The following CASZ1 variants were observed in gnomAD, a reference collection of about 807,000 sequenced individuals.
CASZ1 encodes the protein zinc finger protein castor homolog 1.
Under a neutral mutation model 135.2 loss-of-function variants are expected in CASZ1, and 28 were observed. The observed-to-expected ratio is 0.21, with a 90% CI of 0.15 to 0.28. The LOEUF is 0.28. CASZ1 is among the 10% of genes least tolerant of loss of function. The pLI is 1.00. For synonymous variants in CASZ1, 1,068 were observed against 1,073.4 expected, an observed-to-expected ratio of 0.99 and a Z score of 0.10; for missense variants, 2,161 against 2,453.3, an observed-to-expected ratio of 0.88 and a Z score of 2.52.
At chr1:10,691,508 T>C (rs1415400467) in intron 4 of CASZ1, among the ~76,000 whole-genome samples, 1 of 152,254 alleles carries the variant, frequency 6.6e-6, no homozygotes, top group Non-Finnish European at 1.5e-5. Flanking sequence ...GGGTCCATGA[T>C]GCCAGCAGCC....
In CASZ1 at chr1:10,653,940, G is replaced by A. The variant is rs61736955; in HGVS notation, c.2117C>T (p.Pro706Leu). Reference sequence around the variant, plus strand: ...GTCCTTGGCGCCCAGCAGCGAGGGCGGCAGCCCCAGCGCGCCCGAGGAGCG... The same window carrying A: ...GTCCTTGGCGCCCAGCAGCGAGGGCAGCAGCCCCAGCGCGCCCGAGGAGCG... ...HIRSSGALGL[P>L]PSLLGAKDTE... is the part of the protein sequence containing the mutation. Residue 706 changes from proline (P) to leucine (L), a missense_variant, in exon 11 of 21, where the codon CCG becomes CTG. By Grantham distance (98) the Pro-to-Leu change is moderately conservative. Transcript: ENST00000377022. 1,751 of 1,613,586 alleles carry A rather than the reference G, an allele frequency of 1.1e-3. 10 individuals are homozygous for A. In the Middle Eastern group the frequency reaches 0.015, roughly 14 times the overall value.
chr1:10,743,292 G>C (rs1477109932), intron 2 of CASZ1, among the ~76,000 whole-genome samples: 2 of 152,070 alleles, frequency 1.3e-5, no homozygotes, highest in African/African-American at 4.8e-5. Context: ...GACATTCAAG[G>C]GTGAGTGATA....
chr1:10,792,319 T>TC (rs1553144420), intron 1 of CASZ1, among the ~76,000 whole-genome samples: 1 of 16,918 alleles, frequency 5.9e-5, no homozygotes, highest in Non-Finnish European at 8.9e-5. Context: ...GGCTTACCCC[T>TC]CCCCCCCGCC....
At chr1:10,784,233 C>T (rs1045052236) in intron 1 of CASZ1, among the ~76,000 whole-genome samples, 17 of 152,332 alleles carry the variant, frequency 1.1e-4, no homozygotes, top group African/African-American at 3.4e-4. Context: ...GGAGCCCTCA[C>T]GACATCTGGG....
intron 18 of CASZ1, among the ~76,000 whole-genome samples, chr1:10,644,658 G>A (rs890467483): frequency 2.6e-5 from 4 of 152,216 alleles, no homozygotes; most frequent in African/African-American, 9.6e-5. Context: ...CTCAAGATGA[G>A]GTCCCAGGGC....
chr1:10,694,281 C>A lies in CASZ1; in HGVS notation c.-23-369G>T, dbSNP rs1417863821. On this transcript the variant is annotated intron_variant, in intron 3 of 20. Transcript: ENST00000377022. The surrounding 1 kb of genome is among the most constrained non-coding windows in gnomAD (Gnocchi z 6.6). ...CCGCGGCCCCCGGGCCTCCCCCGCC[C>A]GCGCCCGGTACTCACCATAGTCGGA... The A allele has an allele frequency of 1.9e-6, 2 of 1,067,266 alleles. No homozygotes were observed. Among genetic ancestry groups the A allele is most frequent in the South Asian group, 2.7e-5 (1 of 36,586 alleles). The allele number at this position is 1,067,266 out of a possible 1,614,324, so 66.1% of individuals were successfully genotyped here.
chr1:10,779,418 G>A (rs1424212566), intron 1 of CASZ1, among the ~76,000 whole-genome samples: 1 of 151,990 alleles, frequency 6.6e-6, no homozygotes, highest in East Asian at 1.9e-4. Context: ...TTCTGTGGCT[G>A]GCACAGCCGG....
At chr1:10,654,727 G>T in intron 9 of CASZ1, 136 bp from the exon 10 acceptor site, 1 of 785,768 alleles carries the variant, frequency 1.3e-6, no homozygotes, top group Non-Finnish European at 2.1e-6. Flanking sequence ...CAAACTGGAG[G>T]CCTCGGGATG....
intron 1 of CASZ1, among the ~76,000 whole-genome samples, chr1:10,768,170 A>T (rs1489977462): frequency 1.3e-5 from 2 of 151,928 alleles, no homozygotes; most frequent in African/African-American, 4.8e-5. Flanking sequence ...TTTATCTTGG[A>T]CCCTCTGCTC....
At chr1:10,681,163 A>G (rs565766616) in intron 4 of CASZ1, among the ~76,000 whole-genome samples, 39 of 150,680 alleles carry the variant, frequency 2.6e-4, no homozygotes, top group Middle Eastern at 3.5e-3. Flanking sequence ...GGCCTCCCAA[A>G]GTGCTGGGAT....
rs1213370831 is a variant in CASZ1, at chr1:10,709,874, A to T, written c.-76-4330T>A. The stretch of plus-strand genomic sequence containing the variant: ...GGGCCGGCGGCCCGCACAGGCCAGC[A>T]GGTGCCCGATCGAGACAGAGGCCTC... On this transcript the variant is annotated intron_variant, in intron 2 of 20. Transcript: ENST00000377022. This position sits in a 1 kb window ranked among gnomAD's most constrained non-coding sequence, Gnocchi z 5.1. Among the ~76,000 whole-genome samples the T allele has an allele frequency of 6.6e-6, 1 of 152,204 alleles. No individual in the cohort carries two copies. Among genetic ancestry groups the T allele is most frequent in the Non-Finnish European group, 1.5e-5 (1 of 68,038 alleles).
chr1:10,696,968 G>A (rs1638947535), intron 3 of CASZ1, among the ~76,000 whole-genome samples: 1 of 152,234 alleles, frequency 6.6e-6, no homozygotes, highest in Admixed American at 6.5e-5. Flanking sequence ...GACAGGACTC[G>A]AGAGAGCTTG....
intron 1 of CASZ1, among the ~76,000 whole-genome samples, chr1:10,763,956 G>A (rs968860540): frequency 6.6e-6 from 1 of 152,154 alleles, no homozygotes; most frequent in African/African-American, 2.4e-5. Context: ...TCTGCCTCCC[G>A]AGTTCAAGCG....
At chr1:10,702,978 G>A (rs1235944927) in intron 3 of CASZ1, among the ~76,000 whole-genome samples, 2 of 152,010 alleles carry the variant, frequency 1.3e-5, no homozygotes, top group Admixed American at 1.3e-4. Context: ...GAGAGAGAGA[G>A]AGAGAGAGCG....
chr1:10,738,465 G>T (rs1451291684), intron 2 of CASZ1, among the ~76,000 whole-genome samples: 1 of 152,264 alleles, frequency 6.6e-6, no homozygotes, highest in Non-Finnish European at 1.5e-5. Context: ...TGGCAGAGAG[G>T]CCACCTGCCT....
intron 4 of CASZ1, among the ~76,000 whole-genome samples, chr1:10,690,675 G>GC (rs143941689): frequency 0.027 from 4,157 of 152,222 alleles, 156 homozygotes; most frequent in African/African-American, 0.088. Context: ...TCCCTCACCG[G>GC]CACCCCCTGC....
In CASZ1 at chr1:10,639,065, C is replaced by A; in HGVS notation, c.5157G>T (p.Ser1719=). 1 of 1,121,570 alleles carries A rather than the reference C, an allele frequency of 8.9e-7. No homozygotes were observed. Among genetic ancestry groups the A allele is most frequent in the Non-Finnish European group, 1.1e-6 (1 of 896,430 alleles). The allele number at this position is 1,121,570 out of a possible 1,614,324, so 69.5% of individuals were successfully genotyped here. A position where few individuals can be genotyped will look rare whatever the true frequency, so the allele number is the denominator to read the frequency against. The change falls in exon 21 of 21, where the codon TCG becomes TCT. Residue 1719 remains serine, a synonymous_variant. Coordinates refer to ENST00000377022, the MANE Select transcript of CASZ1 (RefSeq NM_001079843.3). This position sits in a 1 kb window ranked among gnomAD's most constrained non-coding sequence, Gnocchi z 4.0. ...CCGCCGCCTCGGGCAGCGACTCCTC[C>A]GAGTCGGTGCGCAGGTCCTCGTCGT... ...DDDDEDLRTD[S]EESLPEAAAE...
Position 10,655,291 on chromosome 1 carries a change from G to A in CASZ1, c.1665+358C>T, listed in dbSNP as rs564982876. 2.4e-4 allele frequency among the ~76,000 whole-genome samples: 36 copies of A among 152,318 alleles called. No individual in the cohort carries two copies. In the South Asian group the frequency reaches 6.8e-3, roughly 29 times the overall value. On this transcript the variant is annotated intron_variant, in intron 9 of 20. Transcript: ENST00000377022. ...CACCTTGAAAAAGCCCAGACTCTGC[G>A]TGGCATTAAAACAAAGAATTAAACA...
Position 10,762,269 on chromosome 1 carries a change from G to C in CASZ1, c.-233-1412C>G, listed in dbSNP as rs1640392844. 6.6e-6 allele frequency among the ~76,000 whole-genome samples: 1 copy of C among 151,760 alleles called. No homozygotes were observed. The highest frequency in any genetic ancestry group is 2.4e-5 in the African/African-American group (1 of 41,282). Reference sequence around the variant, plus strand: ...GACAGCATCCACTGTCCAAGGCTTGGATCAGCCCAGCTCCCATCCCACCCC... The same window carrying C: ...GACAGCATCCACTGTCCAAGGCTTGCATCAGCCCAGCTCCCATCCCACCCC... On this transcript the variant is annotated intron_variant, in intron 1 of 20. Transcript: ENST00000377022. The surrounding 1 kb of genome is among the most constrained non-coding windows in gnomAD (Gnocchi z 4.1).
Sources: gnomAD v4.1 joint callset for allele counts (sites outside exome capture counted in the v4.1 genomes callset) on GRCh38, gnomAD v4.1.1 for gene constraint, Gnocchi (gnomAD v3.1) non-coding constraint, MANE v1.5 for transcripts, NCBI Gene and HGNC (gene_info 2026-07-23, HGNC 2026-07-21) for gene names.